KDM6A: variants seen among roughly 807,000 people sequenced by gnomAD.
The protein encoded by KDM6A is lysine demethylase 6A, also known as lysine-specific demethylase 6A.
A neutral mutation model predicts 117.6 loss-of-function variants in KDM6A; 11 were observed. That is an observed-to-expected ratio of 0.09 (90% CI 0.06 to 0.15). The LOEUF is 0.15. KDM6A is among the 10% of genes least tolerant of loss of function. KDM6A has a pLI of 1.00. For synonymous variants in KDM6A, 384 were observed against 396.1 expected, an observed-to-expected ratio of 0.97 and a Z score of 0.36; for missense variants, 799 against 1,077.3, an observed-to-expected ratio of 0.74 and a Z score of 3.62.
At chrX:44,940,555 A>T (rs2037242744) in intron 2 of KDM6A, among the ~76,000 whole-genome samples, 1 of 111,509 alleles carries the variant, frequency 9.0e-6, no homozygotes, top group African/African-American at 3.3e-5. Flanking sequence ...CTTTTCTTTA[A>T]ATGATGGGCT....
At chrX:44,982,835 G>C (rs910149803) in intron 4 of KDM6A, among the ~76,000 whole-genome samples, 1 of 111,608 alleles carries the variant, frequency 9.0e-6, no homozygotes, top group African/African-American at 3.3e-5. Flanking sequence ...AGGTAGGAGA[G>C]AAATGTTGAA....
intron 24 of KDM6A, among the ~76,000 whole-genome samples, chrX:45,084,738 G>C (rs1200877504): frequency 9.0e-6 from 1 of 111,121 alleles, no homozygotes; most frequent in East Asian, 2.8e-4. Context: ...CAATTCTCCT[G>C]CCTCAACCTC....
At chrX:45,047,906 C>T in intron 8 of KDM6A, among the ~76,000 whole-genome samples, 2 of 108,662 alleles carry the variant, frequency 1.8e-5, no homozygotes, top group Middle Eastern at 4.8e-3. Context: ...TGCCTGTAAT[C>T]CCAGCACTTG....
intron 4 of KDM6A, among the ~76,000 whole-genome samples, chrX:45,002,296 G>A (rs768615273): frequency 4.5e-5 from 5 of 110,429 alleles, no homozygotes; most frequent in Non-Finnish European, 9.5e-5. Flanking sequence ...CAATTTTAAT[G>A]TCTGACCATA....
intron 2 of KDM6A, among the ~76,000 whole-genome samples, chrX:44,892,284 T>C (rs1291192323): frequency 8.9e-6 from 1 of 112,226 alleles, no homozygotes; most frequent in African/African-American, 3.2e-5. Flanking sequence ...CGAGGCCGGG[T>C]ACGGTGGCTC....
intron 20 of KDM6A, 92 bp downstream of exon 20, chrX:45,078,597 C>CTTTTTTCTTT (rs1215074890): frequency 1.0e-5 from 7 of 701,586 alleles, no homozygotes; most frequent in Non-Finnish European, 1.4e-5. Context: ...TCTTTTTTTT[C>CTTTTTTCTTT]TTTTTTCTTT....
At chrX:45,082,819 C>G (rs2045475642) in intron 23 of KDM6A, 30 bp downstream of exon 23, 1 of 932,943 alleles carries the variant, frequency 1.1e-6, no homozygotes, top group African/African-American at 1.9e-5. Flanking sequence ...TTTCTGTGAA[C>G]TGATGCAAAG....
chrX:44,919,295 T>C (rs1259954152), intron 2 of KDM6A, among the ~76,000 whole-genome samples: 8 of 111,639 alleles, frequency 7.2e-5, no homozygotes, highest in Non-Finnish European at 1.5e-4. Context: ...CTCTAGGCTC[T>C]TCTTGGCTGA....
chrX:45,037,017 T>C (rs899242452), intron 7 of KDM6A, among the ~76,000 whole-genome samples: 1 of 112,603 alleles, frequency 8.9e-6, no homozygotes, highest in Non-Finnish European at 1.9e-5. Flanking sequence ...TTAGAGACTT[T>C]AGGCTATTAC....
intron 2 of KDM6A, among the ~76,000 whole-genome samples, chrX:44,893,390 C>G (rs1023792048): frequency 9.9e-5 from 11 of 111,360 alleles, no homozygotes; most frequent in Admixed American, 2.9e-4. Flanking sequence ...TTCTTTTGAG[C>G]AATTGCAAAT....
intron 4 of KDM6A, among the ~76,000 whole-genome samples, chrX:45,001,798 G>C (rs992238317): frequency 9.0e-6 from 1 of 110,924 alleles, no homozygotes; most frequent in African/African-American, 3.3e-5. Flanking sequence ...TTCTTGCCTC[G>C]GGTGTGATGA....
At chrX:44,997,042 C>G (rs1466744182) in intron 4 of KDM6A, among the ~76,000 whole-genome samples, 2 of 111,462 alleles carry the variant, frequency 1.8e-5, no homozygotes, top group Non-Finnish European at 3.8e-5. Flanking sequence ...GGGGCTCCCA[C>G]CCCACGGCAA....
chrX:45,043,238 T>A (rs1028864126), intron 8 of KDM6A, among the ~76,000 whole-genome samples: 2 of 111,129 alleles, frequency 1.8e-5, no homozygotes, highest in African/African-American at 3.3e-5. Context: ...TGCAGGGATC[T>A]GAGATCTCGC....
At position 45,060,042 on chromosome X, in the gene KDM6A, A is replaced by T. The variant is rs374076172; in HGVS notation, c.1215A>T (p.Pro405=). ...CCTAGGCTCAGTTGTGTAACCTTCC[A>T]CAAGGTAGTCTACAGAATAAAACTA... ...KYLQAQLCNL[P]QGSLQNKTKL... is the part of the protein sequence containing the mutation. The change falls in exon 13 of 30, where the codon CCA becomes CCT. Residue 405 remains proline, a synonymous_variant. Coordinates refer to ENST00000611820, the MANE Select transcript of KDM6A (RefSeq NM_001291415.2). 5.5e-5 allele frequency: 66 copies of T among 1,207,394 alleles called. No individual in the cohort carries two copies. Among genetic ancestry groups the T allele is most frequent in the Non-Finnish European group, 4.4e-5 (39 of 893,657 alleles).
In KDM6A at chrX:45,010,041, G is replaced by A. The variant is rs762287122; in HGVS notation, c.385-920G>A. Among the ~76,000 whole-genome samples, 7 of 112,111 alleles carry A rather than the reference G, an allele frequency of 6.2e-5. No individual in the cohort carries two copies. In the South Asian group the frequency reaches 2.2e-3, roughly 36 times the overall value. ...TTTGTAATTTGAAGCTTATAATTTCGAAGAAGAAATTTGTTCACACAGATC... is the reference window on the plus strand; with the variant it reads ...TTTGTAATTTGAAGCTTATAATTTCAAAGAAGAAATTTGTTCACACAGATC... On this transcript the variant is annotated intron_variant, in intron 4 of 29. Coordinates refer to ENST00000611820, the MANE Select transcript of KDM6A (RefSeq NM_001291415.2).
chrX:45,046,114 C>T (rs1039885852), intron 8 of KDM6A, among the ~76,000 whole-genome samples: 1 of 110,997 alleles, frequency 9.0e-6, no homozygotes, highest in Non-Finnish European at 1.9e-5. Context: ...TATACTATGA[C>T]CAAGTGTTAT....
intron 5 of KDM6A, among the ~76,000 whole-genome samples, chrX:45,012,197 A>ATTTTTTTTTTTTTTT (rs760991442): frequency 2.2e-4 from 15 of 69,066 alleles, no homozygotes; most frequent in African/African-American, 8.9e-4. Context: ...CCCAATGTAG[A>ATTTTTTTTTTTTTTT]TTTTTTTTTT....
At chrX:44,883,537 T>A (rs2032525857) in intron 2 of KDM6A, among the ~76,000 whole-genome samples, 1 of 110,480 alleles carries the variant, frequency 9.1e-6, no homozygotes, top group African/African-American at 3.3e-5. Flanking sequence ...CATGCCTAGC[T>A]AATTTTTTTG....
intron 4 of KDM6A, among the ~76,000 whole-genome samples, chrX:45,003,921 T>TTC (rs1292314338): frequency 1.6e-5 from 1 of 62,727 alleles, no homozygotes; most frequent in South Asian, 1.2e-3. Flanking sequence ...CCACCCCCGC[T>TTC]TCTCTCTCTC....
Sources: gnomAD v4.1 joint callset for allele counts (sites outside exome capture counted in the v4.1 genomes callset) on GRCh38, gnomAD v4.1.1 for gene constraint, MANE v1.5 for transcripts, NCBI Gene and HGNC (gene_info 2026-07-23, HGNC 2026-07-21) for gene names.